PARP15: variants seen among roughly 807,000 people sequenced by gnomAD.
The protein encoded by PARP15 is protein mono-ADP-ribosyltransferase PARP15.
PARP15 carries 50 observed loss-of-function variants against 62.1 expected under a neutral mutation model. The observed-to-expected ratio is 0.81, with a 90% CI of 0.64 to 1.02. The LOEUF (loss-of-function observed/expected upper bound fraction) is 1.02, where lower values mean the gene tolerates loss of function less well. Among genes scored for constraint, PARP15 ranks in the 50% least tolerant of loss-of-function variants. PARP15 has a pLI of 0.00. For synonymous variants in PARP15, 309 were observed against 293.1 expected (o/e 1.05, Z -0.55); for missense variants, 820 against 826.5 (o/e 0.99, Z 0.10).
At chr3:122,594,740 C>T in intron 1 of PARP15, 1 of 975,834 alleles carries the variant, frequency 1.0e-6, no homozygotes, top group Non-Finnish European at 1.2e-6. Context: ...TTGATTTTTA[C>T]TTCTAGATGT....
At chr3:122,579,794 C>T (rs1367321611) in intron 1 of PARP15, among the ~76,000 whole-genome samples, 1 of 151,690 alleles carries the variant, frequency 6.6e-6, no homozygotes, top group Non-Finnish European at 1.5e-5. Context: ...GCCTGGCGAA[C>T]ATGGTGAAAC....
intron 4 of PARP15, chr3:122,615,554 C>A: frequency 8.5e-7 from 1 of 1,179,870 alleles, no homozygotes; most frequent in Non-Finnish European, 1.2e-6. Flanking sequence ...ACATACTTGC[C>A]TGGACAGTGT....
At chr3:122,620,906 CCATGTG>C (rs1455841622) in intron 7 of PARP15, among the ~76,000 whole-genome samples, 4 of 152,210 alleles carry the variant, frequency 2.6e-5, no homozygotes, top group Non-Finnish European at 5.9e-5. Context: ...CTCATAATTT[CCATGTG>C]CTCAAGAGCT....
At chr3:122,607,596 T>A (rs1486313484) in intron 2 of PARP15, among the ~76,000 whole-genome samples, 1 of 152,222 alleles carries the variant, frequency 6.6e-6, no homozygotes, top group Non-Finnish European at 1.5e-5. Context: ...CTTACTCAAT[T>A]AGTACTACAA....
chr3:122,615,430 G>A (rs1935894785), intron 4 of PARP15: 3 of 1,274,098 alleles, frequency 2.4e-6, no homozygotes, highest in Non-Finnish European at 3.1e-6. Context: ...ACTTCCCTCA[G>A]CCTATTGGAT....
chr3:122,619,613 A>C (rs9989969), intron 6 of PARP15, among the ~76,000 whole-genome samples, 168 bp from the exon 7 acceptor site: 1 of 152,198 alleles, frequency 6.6e-6, no homozygotes, highest in Non-Finnish European at 1.5e-5. Flanking sequence ...CAGACTGTTC[A>C]TCAGCCACTG....
At chr3:122,627,914 G>C (rs1351395597) in intron 9 of PARP15, among the ~76,000 whole-genome samples, 1 of 152,170 alleles carries the variant, frequency 6.6e-6, no homozygotes, top group Non-Finnish European at 1.5e-5. Flanking sequence ...ATAATAGAAA[G>C]TCCATCTTAC....
Position 122,610,580 on chromosome 3 carries a change from C to T in PARP15, c.393C>T (p.Pro131=), listed in dbSNP as rs1317058070. ...LSRAFLQKAG[P]MLQKELDDRR... ...GGGCATTTTTGCAGAAAGCTGGTCCCATGCTCCAGAAAGAGTTAGATGACA... is the reference window on the plus strand; with the variant it reads ...GGGCATTTTTGCAGAAAGCTGGTCCTATGCTCCAGAAAGAGTTAGATGACA... The change falls in exon 3 of 12, where the codon CCC becomes CCT. Residue 131 remains proline (P), a synonymous_variant. Transcript: ENST00000464300. 1.9e-6 allele frequency: 3 copies of T among 1,551,708 alleles called. No individual in the cohort carries two copies. The highest frequency in any genetic ancestry group is 2.0e-5 in the Admixed American group (1 of 50,998).
At chr3:122,619,400 G>C (rs143057609) in intron 6 of PARP15, among the ~76,000 whole-genome samples, 1 of 152,312 alleles carries the variant, frequency 6.6e-6, no homozygotes, top group Non-Finnish European at 1.5e-5. Context: ...ACTTAGTAAA[G>C]TGCTTGATTT....
intron 2 of PARP15, among the ~76,000 whole-genome samples, chr3:122,607,561 TATG>T (rs1437211757): frequency 6.6e-6 from 1 of 152,248 alleles, no homozygotes; most frequent in African/African-American, 2.4e-5. Flanking sequence ...ATTATCCCCT[TATG>T]ATGGGCCACT....
intron 4 of PARP15, 99 bp from the exon 5 acceptor site, chr3:122,615,680 T>C: frequency 6.3e-7 from 1 of 1,589,434 alleles, no homozygotes; most frequent in Non-Finnish European, 8.6e-7. Flanking sequence ...TGAGAACTAT[T>C]GTTATCAACT....
chr3:122,625,357 G>A (rs1159504010), intron 8 of PARP15, among the ~76,000 whole-genome samples: 2 of 152,120 alleles, frequency 1.3e-5, no homozygotes, highest in Non-Finnish European at 2.9e-5. Flanking sequence ...TGGTTCAAGT[G>A]ATTTTCCTAC....
At chr3:122,629,749 C>T (rs752277280) in intron 9 of PARP15, among the ~76,000 whole-genome samples, 2 of 152,092 alleles carry the variant, frequency 1.3e-5, no homozygotes, top group African/African-American at 2.4e-5. Context: ...TAGACAGTCC[C>T]ATCTGGGGGT....
intron 4 of PARP15, chr3:122,615,536 C>A: frequency 9.0e-7 from 1 of 1,105,554 alleles, no homozygotes; most frequent in Non-Finnish European, 1.3e-6. Context: ...CAGTCAGCAC[C>A]CCTGCTGACA....
At chr3:122,628,467 T>C (rs1936869795) in intron 9 of PARP15, among the ~76,000 whole-genome samples, 1 of 152,238 alleles carries the variant, frequency 6.6e-6, no homozygotes, top group Non-Finnish European at 1.5e-5. Flanking sequence ...TAGGGATATA[T>C]AAACTAACAT....
At chr3:122,588,030 G>C (rs1933587153) in intron 1 of PARP15, among the ~76,000 whole-genome samples, 1 of 151,936 alleles carries the variant, frequency 6.6e-6, no homozygotes, top group Non-Finnish European at 1.5e-5. Flanking sequence ...TATATCTTTT[G>C]CAAAAATTTT....
intron 4 of PARP15, 187 bp from the exon 5 acceptor site, chr3:122,615,592 A>C: frequency 2.3e-6 from 3 of 1,303,698 alleles, no homozygotes; most frequent in Non-Finnish European, 3.1e-6. Flanking sequence ...AAAGCAAATC[A>C]GCACTGCTAT....
At chr3:122,600,176 TAA>T (rs1277343806) in intron 1 of PARP15, among the ~76,000 whole-genome samples, 1 of 152,136 alleles carries the variant, frequency 6.6e-6, no homozygotes, top group African/African-American at 2.4e-5. Context: ...ACCTCTGACA[TAA>T]GAGTACTAAA....
chr3:122,614,519 A>T (rs1413532908), intron 4 of PARP15, among the ~76,000 whole-genome samples: 1 of 152,178 alleles, frequency 6.6e-6, no homozygotes, highest in East Asian at 1.9e-4. Flanking sequence ...AACAACATTT[A>T]CCCCCAAAGG....
Sources: gnomAD v4.1 joint callset for allele counts (sites outside exome capture counted in the v4.1 genomes callset) on GRCh38, gnomAD v4.1.1 for gene constraint, MANE v1.5 for transcripts, NCBI Gene and HGNC (gene_info 2026-07-23, HGNC 2026-07-21) for gene names.